The following PSMD4 variants were observed in gnomAD, a reference collection of about 807,000 sequenced individuals.
PSMD4 encodes the protein proteasome 26S subunit ubiquitin receptor, non-ATPase 4, also known as 26S proteasome non-ATPase regulatory subunit 4.
A neutral mutation model predicts 39.7 loss-of-function variants in PSMD4; 5 were observed. The ratio of observed to expected loss-of-function variants is 0.13; its 90% confidence interval spans 0.07 to 0.26. The LOEUF is 0.26. PSMD4 is among the 10% of genes least tolerant of loss of function. The pLI is 1.00. For missense variants in PSMD4, 272 were observed against 486.1 expected, an observed-to-expected ratio of 0.56 and a Z score of 4.14; for synonymous variants, 143 against 174.6, an observed-to-expected ratio of 0.82 and a Z score of 1.43.
rs587679526 is a variant in PSMD4 at position 151,264,087 on chromosome 1, A to G, written c.282+59A>G. 5 of 1,304,274 alleles carry G rather than the reference A, an allele frequency of 3.8e-6. No homozygotes were observed. The African/African-American group carries it at 5.9e-5, about 15-fold the overall frequency. The allele number at this position is 1,304,274 out of a possible 1,614,324, so 80.8% of individuals were successfully genotyped here. A position where few individuals can be genotyped will look rare whatever the true frequency, so the allele number is the denominator to read the frequency against. On this transcript the variant is annotated intron_variant, in intron 3 of 9. Coordinates refer to ENST00000368884, the MANE Select transcript of PSMD4 (RefSeq NM_002810.4). ...CCTGCTCTGAGGTCCTGCCTCCATC[A>G]TACTCATTTCTCCCCTGGAATCCTG...
intron 4 of PSMD4, 74 bp downstream of exon 4, chr1:151,264,992 C>A: frequency 7.0e-7 from 1 of 1,423,220 alleles, no homozygotes; most frequent in Non-Finnish European, 9.8e-7. Context: ...CTCAGGAGAA[C>A]CTGGCAGAGG....
chr1:151,260,993 G>A (rs1693303782), intron 1 of PSMD4, among the ~76,000 whole-genome samples: 1 of 151,552 alleles, frequency 6.6e-6, no homozygotes, highest in African/African-American at 2.4e-5. Context: ...CTACAAGTGT[G>A]CGCCACCATA....
rs1558322659 is a variant in PSMD4 at position 151,265,216 on chromosome 1, T to C, written c.420T>C (p.Ile140=). Residue 140 remains isoleucine (I), a synonymous_variant, in exon 5 of 10, where the codon ATT becomes ATC. Transcript: ENST00000368884. ...RLKKEKVNVD[I]INFGEEEVNT... ...AGAAGGAGAAAGTAAATGTTGACAT[T>C]ATCAATTTTGGGGAAGAGGTGAGTA... The C allele has an allele frequency of 6.2e-7, 1 of 1,613,536 alleles. No individual in the cohort carries two copies. Among genetic ancestry groups the C allele is most frequent in the East Asian group, 2.2e-5 (1 of 44,888 alleles).
rs587689390 is a variant in PSMD4 at position 151,267,132 on chromosome 1, C to T, written c.964-41C>T. 2.1e-5 allele frequency: 34 copies of T among 1,612,000 alleles called. No homozygotes were observed. The Admixed American group carries it at 2.2e-4, about 10-fold the overall frequency. On this transcript the variant is annotated intron_variant, in intron 9 of 9. Transcript: ENST00000368884. ...TCCTTAACACCTGCTTACTTCCTGC[C>T]GCTCCATACCCTCCCTTGAGCTCAC...
Position 151,263,420 on chromosome 1 carries a change from G to A in PSMD4, c.168-494G>A, listed in dbSNP as rs1164642111. On this transcript the variant is annotated intron_variant, in intron 2 of 9. Coordinates refer to ENST00000368884, the MANE Select transcript of PSMD4 (RefSeq NM_002810.4). ...CGGAGGTTGCAGTGAGCTGAGATTC[G>A]CCACTGCACGCCAGCCTGGGTGACA... Among the ~76,000 whole-genome samples, 5 of 151,074 alleles carry A rather than the reference G, an allele frequency of 3.3e-5. No individual in the cohort carries two copies. In the South Asian group the frequency reaches 1.0e-3, roughly 32 times the overall value.
chr1:151,261,143 G>A (rs966018288), intron 1 of PSMD4, among the ~76,000 whole-genome samples: 1 of 147,034 alleles, frequency 6.8e-6, no homozygotes. Context: ...ATAAGTCACT[G>A]TGCCCAGCCT....
At chr1:151,256,353 A>AT (rs1296104194) in intron 1 of PSMD4, among the ~76,000 whole-genome samples, 21,864 of 116,098 alleles carry the variant, frequency 0.19, 3,332 homozygotes, top group African/African-American at 0.38. Flanking sequence ...CAAAAAAAAA[A>AT]AAATAATAAT....
At chr1:151,264,366 G>A (rs891679288) in intron 3 of PSMD4, among the ~76,000 whole-genome samples, 2 of 151,328 alleles carry the variant, frequency 1.3e-5, no homozygotes, top group East Asian at 1.9e-4. Flanking sequence ...AAGGCCGGGC[G>A]CGGTGGCTCA....
chr1:151,254,944 C>G lies in PSMD4; in HGVS notation c.26+136C>G, dbSNP rs1693129397. On this transcript the variant is annotated intron_variant, in intron 1 of 9. Transcript: ENST00000368884. ...CCTGGCCCCGGAGGTAAGGAGCCCG[C>G]TGGACTCCCTGAGTCATCCCGGGGC... is the stretch of plus-strand genomic sequence containing the variant. The G allele has an allele frequency of 5.4e-6, 6 of 1,102,866 alleles. No individual in the cohort carries two copies. The South Asian group carries it at 1.2e-4, about 21-fold the overall frequency. The allele number at this position is 1,102,866 out of a possible 1,614,324, so 68.3% of individuals were successfully genotyped here.
intron 2 of PSMD4, among the ~76,000 whole-genome samples, chr1:151,263,239 G>A (rs954652890): frequency 1.3e-5 from 2 of 152,094 alleles, no homozygotes; most frequent in African/African-American, 2.4e-5. Context: ...CAAGGCAGAC[G>A]GATCACTTGA....
At position 151,266,390 on chromosome 1, in the gene PSMD4, T is replaced by C; in HGVS notation, c.846T>C (p.Thr282=). 6.2e-7 allele frequency: 1 copy of C among 1,614,196 alleles called. No individual in the cohort carries two copies. Among genetic ancestry groups the C allele is most frequent in the Non-Finnish European group, 8.5e-7 (1 of 1,180,034 alleles). Residue 282 remains threonine (T), a synonymous_variant, in exon 8 of 10, where the codon ACT becomes ACC. Coordinates refer to ENST00000368884, the MANE Select transcript of PSMD4 (RefSeq NM_002810.4). ...GGCTTCCTGACCTAAGCAGTATGAC[T>C]GAGGAAGAGCAGATTGCTTATGCCA... ...RTGLPDLSSM[T]EEEQIAYAMQ... is the part of the protein sequence containing the mutation.
intron 4 of PSMD4, 99 bp downstream of exon 4, chr1:151,265,017 C>G: frequency 7.4e-7 from 1 of 1,354,974 alleles, no homozygotes; most frequent in Non-Finnish European, 1.0e-6. Flanking sequence ...AGGCTCATCA[C>G]TTTGGGGAAA....
At position 151,263,909 on chromosome 1, in the gene PSMD4, C is replaced by A; in HGVS notation, c.168-5C>A. 6.4e-7 allele frequency: 1 copy of A among 1,559,212 alleles called. No individual in the cohort carries two copies. The highest frequency in any genetic ancestry group is 8.7e-7 in the Non-Finnish European group (1 of 1,146,810). ...ATTCACTGAAATGCTTTTCCTACAT[C>A]CCAGTGACTGTGAAGTGCTGACCAC... On this transcript the variant is annotated splice_region_variant and splice_polypyrimidine_tract_variant and intron_variant, in intron 2 of 9. Transcript: ENST00000368884.
chr1:151,265,723 A>G (rs1262893939), intron 6 of PSMD4, 114 bp downstream of exon 6: 2 of 1,189,268 alleles, frequency 1.7e-6, no homozygotes, highest in African/African-American at 1.5e-5. Flanking sequence ...CCAATCACTC[A>G]TTTTCCAAGA....
intron 9 of PSMD4, chr1:151,266,799 T>G (rs1427662265): frequency 6.4e-6 from 5 of 778,660 alleles, no homozygotes; most frequent in Non-Finnish European, 1.1e-5. Flanking sequence ...TTTTCCTTTC[T>G]TGCTGGTGGG....
Position 151,267,294 on chromosome 1 carries a change from A to G in PSMD4, c.1085A>G (p.Gln362Arg). The G allele has an allele frequency of 6.2e-7, 1 of 1,613,918 alleles. No homozygotes were observed. The highest frequency in any genetic ancestry group is 8.5e-7 in the Non-Finnish European group (1 of 1,179,828). The change falls in exon 10 of 10, where the codon CAG becomes CGG. Residue 362 changes from glutamine (Q) to arginine (R), a missense_variant. Around this residue, in one of 3 missense-constraint regions of PSMD4, gnomAD observed 113 missense variants for 184.6 expected, o/e 0.61. Coordinates refer to ENST00000368884, the MANE Select transcript of PSMD4 (RefSeq NM_002810.4). ...IRNAMGSLAS[Q>R]ATKDGKKDKK... is the part of the protein sequence containing the mutation. The stretch of plus-strand genomic sequence containing the variant: ...AATGCTATGGGCTCCCTGGCCTCCC[A>G]GGCCACCAAGGACGGCAAGAAGGAC...
At chr1:151,260,721 G>A (rs1350707021) in intron 1 of PSMD4, among the ~76,000 whole-genome samples, 1 of 151,954 alleles carries the variant, frequency 6.6e-6, no homozygotes, top group African/African-American at 2.4e-5. Context: ...TTTTTTAGTA[G>A]AGATAGGGTT....
Position 151,264,006 on chromosome 1 carries a change from G to C in PSMD4, c.260G>C (p.Cys87Ser). 6.2e-7 allele frequency: 1 copy of C among 1,602,264 alleles called. No individual in the cohort carries two copies. Among genetic ancestry groups the C allele is most frequent in the South Asian group, 1.1e-5 (1 of 88,868 alleles). Residue 87 changes from cysteine (C) to serine (S), a missense_variant, in exon 3 of 10, where the codon TGC becomes TCC. Cys to Ser is a moderately radical substitution (Grantham distance 112). Around this residue, in one of 3 missense-constraint regions of PSMD4, gnomAD observed 153 missense variants for 257.6 expected, o/e 0.59. Transcript: ENST00000368884. ...TVQPKGKITF[C>S]TGIRVAHLAL... ...CAACCCAAGGGCAAGATCACCTTCT[G>C]CACGGGCATCCGCGTGGCCCATGTG...
intron 1 of PSMD4, among the ~76,000 whole-genome samples, chr1:151,260,505 G>A (rs763713770): frequency 3.3e-5 from 5 of 152,170 alleles, no homozygotes; most frequent in Non-Finnish European, 5.9e-5. Context: ...AAGCTGTTAA[G>A]CATTTAATGA....
Sources: allele counts gnomAD v4.1 joint callset (sites outside exome capture counted in the v4.1 genomes callset), GRCh38; gene constraint gnomAD v4.1.1; regional missense constraint gnomAD v4.1.1; transcripts MANE v1.5; gene names NCBI Gene and HGNC (gene_info 2026-07-23, HGNC 2026-07-21).